The following MYLK variants were observed in gnomAD, a reference collection of about 807,000 sequenced individuals.
The protein encoded by MYLK is myosin light chain kinase, also known as myosin light chain kinase, smooth muscle.
Under a neutral mutation model 203.4 loss-of-function variants are expected in MYLK, and 106 were observed. The observed-to-expected ratio is 0.52, with a 90% CI of 0.45 to 0.61. The LOEUF (loss-of-function observed/expected upper bound fraction) is 0.61, where lower values mean the gene tolerates loss of function less well. Among genes scored for constraint, MYLK ranks in the 20% least tolerant of loss-of-function variants. The pLI, the probability that MYLK is intolerant of heterozygous loss-of-function variation, is 0.00. For missense variants in MYLK, 2,072 were observed against 2,442.3 expected, an observed-to-expected ratio of 0.85 and a Z score of 3.20; for synonymous variants, 867 against 959.5, an observed-to-expected ratio of 0.90 and a Z score of 1.78.
chr3:123,770,947 G>A (rs1408034885), intron 4 of MYLK, among the ~76,000 whole-genome samples: 1 of 152,202 alleles, frequency 6.6e-6, no homozygotes, highest in African/African-American at 2.4e-5. Flanking sequence ...AAGAAGACTG[G>A]AGAACCATCT....
intron 3 of MYLK, among the ~76,000 whole-genome samples, chr3:123,830,739 C>G (rs1470022032): frequency 1.3e-5 from 2 of 152,130 alleles, no homozygotes; most frequent in Non-Finnish European, 2.9e-5. Flanking sequence ...CCCTGAAGTA[C>G]TGTAGTAGTT....
Position 123,735,095 on chromosome 3 carries a change from A to G in MYLK, c.773+303T>C, listed in dbSNP as rs562323695. On this transcript the variant is annotated intron_variant, in intron 9 of 33. Coordinates refer to ENST00000360304, the MANE Select transcript of MYLK (RefSeq NM_053025.4). ...AACAGATTCCGCCCTGGAATGAGGA[A>G]GGCGGCCTTCTCAGAGCAGTGTTCT... 73 of 416,296 alleles carry G rather than the reference A, an allele frequency of 1.8e-4. No individual in the cohort carries two copies. In the East Asian group the frequency reaches 3.5e-3, roughly 20 times the overall value. 25.8% of individuals were successfully genotyped at this position (416,296 alleles called of 1,614,324 possible).
At chr3:123,694,684 C>T (rs984288725) in intron 18 of MYLK, among the ~76,000 whole-genome samples, 14 of 152,344 alleles carry the variant, frequency 9.2e-5, no homozygotes, top group African/African-American at 3.4e-4. Flanking sequence ...GCTGCAAAGA[C>T]AGTACACAGA....
chr3:123,654,313 A>C (rs758361408), intron 24 of MYLK, among the ~76,000 whole-genome samples: 23 of 152,216 alleles, frequency 1.5e-4, no homozygotes, highest in Middle Eastern at 6.8e-3. Flanking sequence ...TGAAAGTAAA[A>C]TTTTAATACC....
intron 2 of MYLK, among the ~76,000 whole-genome samples, chr3:123,846,063 A>G (rs114104511): frequency 6.2e-4 from 94 of 152,284 alleles, no homozygotes; most frequent in African/African-American, 2.0e-3. Context: ...CCAGGATCTA[A>G]TCCAAGATAC....
rs1198863748 is a variant in MYLK, at chr3:123,701,124, G to A, written c.2463-119C>T. 8 of 1,317,188 alleles carry A rather than the reference G, an allele frequency of 6.1e-6. No homozygotes were observed. The East Asian group carries it at 1.5e-4, about 25-fold the overall frequency. The allele number at this position is 1,317,188 out of a possible 1,614,324, so 81.6% of individuals were successfully genotyped here. A position where few individuals can be genotyped will look rare whatever the true frequency, so the allele number is the denominator to read the frequency against. Reference sequence around the variant, plus strand: ...AGGGTAGAGGGGAGCGGGAGGGGATGGGGGAGGCCGGCCAGGCTGTGTTTA... The same window carrying A: ...AGGGTAGAGGGGAGCGGGAGGGGATAGGGGAGGCCGGCCAGGCTGTGTTTA... On this transcript the variant is annotated intron_variant, in intron 17 of 33. Transcript: ENST00000360304.
intron 2 of MYLK, among the ~76,000 whole-genome samples, chr3:123,857,894 A>T (rs2031554385): frequency 6.6e-6 from 1 of 152,200 alleles, no homozygotes; most frequent in Non-Finnish European, 1.5e-5. Flanking sequence ...CCAGCCTAAT[A>T]GCCTACACTG....
Position 123,781,341 on chromosome 3 carries a change from G to A in MYLK, c.165+12336C>T, listed in dbSNP as rs555953536. On this transcript the variant is annotated intron_variant, in intron 4 of 33. Coordinates refer to ENST00000360304, the MANE Select transcript of MYLK (RefSeq NM_053025.4). ...GTCTCCAGTAACTCTGCCCTCCAGT[G>A]GCTGGACAAATGGAATCCTGAGGGG... Among the ~76,000 whole-genome samples, 7 of 152,344 alleles carry A rather than the reference G, an allele frequency of 4.6e-5. No individual in the cohort carries two copies. The South Asian group carries it at 1.4e-3, about 32-fold the overall frequency.
At chr3:123,735,253 A>G in intron 9 of MYLK, 145 bp downstream of exon 9, 1 of 1,148,592 alleles carries the variant, frequency 8.7e-7, no homozygotes, top group Non-Finnish European at 1.3e-6. Flanking sequence ...AGAACAAGAC[A>G]AAACACCCAA....
chr3:123,613,814 G>C lies in MYLK; in HGVS notation c.*291C>G, dbSNP rs1195067492. 2.4e-6 allele frequency: 1 copy of C among 411,946 alleles called. No homozygotes were observed. The highest frequency in any genetic ancestry group is 2.0e-5 in the African/African-American group (1 of 49,170). 25.5% of individuals were successfully genotyped at this position (411,946 alleles called of 1,614,324 possible). A position where few individuals can be genotyped will look rare whatever the true frequency, so the allele number is the denominator to read the frequency against. ...TATGACTTTGCCCAGATAAATATTT[G>C]GTTTGGTTACTTTCTCTCTAAAATC... On this transcript the variant is annotated 3_prime_UTR_variant, in exon 34 of 34. Transcript: ENST00000360304.
chr3:123,854,805 C>T (rs2682257), intron 2 of MYLK, among the ~76,000 whole-genome samples: 130,175 of 152,178 alleles, frequency 0.86, 56,057 homozygotes, highest in East Asian at 0.96. Context: ...ATAGTTATTT[C>T]AGTGAGCATC....
Position 123,733,826 on chromosome 3 carries a change from C to T in MYLK, c.1170G>A (p.Gly390=). 6.2e-7 allele frequency: 1 copy of T among 1,614,054 alleles called. No individual in the cohort carries two copies. The highest frequency in any genetic ancestry group is 1.1e-5 in the South Asian group (1 of 90,922). Residue 390 remains glycine (G), a synonymous_variant, in exon 10 of 34, where the codon GGG becomes GGA. Transcript: ENST00000360304. ...CAGCCTTGCTCACAACATCTTGGCTCCCCAGGCCAGGCTGCCTGGTGGGGA... is the reference window on the plus strand; with the variant it reads ...CAGCCTTGCTCACAACATCTTGGCTTCCCAGGCCAGGCTGCCTGGTGGGGA... ...ATFPTRQPGL[G]SQDVVSKAAN... is the part of the protein sequence containing the mutation.
At chr3:123,846,340 T>C (rs1434794299) in intron 2 of MYLK, among the ~76,000 whole-genome samples, 1 of 152,226 alleles carries the variant, frequency 6.6e-6, no homozygotes, top group African/African-American at 2.4e-5. Flanking sequence ...AAAACGCATA[T>C]AAACACTATT....
intron 19 of MYLK, among the ~76,000 whole-genome samples, chr3:123,689,918 T>G (rs2060597313): frequency 6.6e-6 from 1 of 152,242 alleles, no homozygotes; most frequent in African/African-American, 2.4e-5. Context: ...AAAGGTTACA[T>G]CCCTTATCTT....
chr3:123,868,246 A>G (rs2032471208), intron 2 of MYLK, among the ~76,000 whole-genome samples: 2 of 152,192 alleles, frequency 1.3e-5, no homozygotes. Flanking sequence ...AATATGGAAC[A>G]AAGGCAAAAA....
intron 3 of MYLK, among the ~76,000 whole-genome samples, chr3:123,799,649 A>G (rs975687340): frequency 6.6e-6 from 1 of 152,096 alleles, no homozygotes. Flanking sequence ...CCACGTGCAA[A>G]TGCCCCAGGC....
chr3:123,637,127 A>G (rs2058670128), intron 29 of MYLK, among the ~76,000 whole-genome samples: 1 of 152,200 alleles, frequency 6.6e-6, no homozygotes, highest in Admixed American at 6.5e-5. Flanking sequence ...TTGTTCTGAC[A>G]GTAAAAACAT....
intron 2 of MYLK, among the ~76,000 whole-genome samples, chr3:123,857,854 CCTAA>C (rs760066486): frequency 1.3e-5 from 2 of 151,974 alleles, no homozygotes; most frequent in South Asian, 2.1e-4. Context: ...GGGCTATGGC[CCTAA>C]CTAAGTTTTC....
At chr3:123,798,969 G>C (rs1374113240) in intron 3 of MYLK, among the ~76,000 whole-genome samples, 2 of 152,172 alleles carry the variant, frequency 1.3e-5, no homozygotes, top group African/African-American at 4.8e-5. Flanking sequence ...TTCCAATCAA[G>C]AAAACCAGAG....
Sources: allele counts gnomAD v4.1 joint callset (sites outside exome capture counted in the v4.1 genomes callset), GRCh38; gene constraint gnomAD v4.1.1; transcripts MANE v1.5; gene names NCBI Gene and HGNC (gene_info 2026-07-23, HGNC 2026-07-21).